Variants in MYBPH observed in about 807,000 individuals in gnomAD.
MYBPH encodes myosin binding protein H.
Under a neutral mutation model 53.6 loss-of-function variants are expected in MYBPH, and 49 were observed. The observed-to-expected ratio is 0.91, with a 90% confidence interval of 0.73 to 1.16. The LOEUF (loss-of-function observed/expected upper bound fraction) is 1.16, where lower values mean the gene tolerates loss of function less well. Ranked by LOEUF, MYBPH falls within the 50% of genes most tolerant of loss-of-function variation. MYBPH has a pLI of 0.00. For missense variants in MYBPH, 558 were observed against 624.1 expected, an observed-to-expected ratio of 0.89 and a Z score of 1.13; for synonymous variants, 239 against 249.6, an observed-to-expected ratio of 0.96 and a Z score of 0.40.
At position 203,171,128 on chromosome 1, in the gene MYBPH, G is replaced by T. The variant is rs1655685923; in HGVS notation, c.866C>A (p.Pro289Gln). The T allele has an allele frequency of 1.2e-6, 2 of 1,613,418 alleles. No homozygotes were observed. The highest frequency in any genetic ancestry group is 1.7e-5 in the Admixed American group (1 of 59,892). The change falls in exon 6 of 11, where the codon CCA becomes CAA. Residue 289 changes from proline (P) to glutamine (Q), a missense_variant. Transcript: ENST00000255416. The surrounding 1 kb of genome is among the most constrained non-coding windows in gnomAD (Gnocchi z 4.2). ...CTCTGTGTTGCCTGTGTCCTGGGGTGGCGTCCACTGAAGAGCAGCATTGCA... is the reference window on the plus strand; with the variant it reads ...CTCTGTGTTGCCTGTGTCCTGGGGTTGCGTCCACTGAAGAGCAGCATTGCA... ...WGCNAALQWT[P>Q]PQDTGNTELL... is the part of the protein sequence containing the mutation.
chr1:203,170,419 G>T lies in MYBPH; in HGVS notation c.965C>A (p.Pro322Gln). ...GAGGTCAGAGATGGTGCAGGTGGTTGGGTGGTAGCGCTCCAGCACTGTGAA... is the reference window on the plus strand; with the variant it reads ...GAGGTCAGAGATGGTGCAGGTGGTTTGGTGGTAGCGCTCCAGCACTGTGAA... ...QWFTVLERYHPTTCTISDLII... is the reference protein window; with the variant it reads ...QWFTVLERYHQTTCTISDLII... The change falls in exon 7 of 11, where the codon CCA becomes CAA. Residue 322 changes from proline (P) to glutamine (Q), a missense_variant. Pro to Gln is a moderately conservative substitution (Grantham distance 76). Coordinates refer to ENST00000255416, the MANE Select transcript of MYBPH (RefSeq NM_004997.3). 6.2e-7 allele frequency: 1 copy of T among 1,614,144 alleles called. No individual in the cohort carries two copies. The highest frequency in any genetic ancestry group is 1.1e-5 in the South Asian group (1 of 91,082).
At chr1:203,174,690 T>C in intron 2 of MYBPH, 93 bp from the exon 3 acceptor site, 1 of 1,305,976 alleles carries the variant, frequency 7.7e-7, no homozygotes, top group Non-Finnish European at 1.0e-6. Flanking sequence ...TCTGGGGAAA[T>C]CAGCCTCCCT....
rs1232482509 is a variant in MYBPH at position 203,175,724 on chromosome 1, G to A, written c.32C>T (p.Ala11Val). The stretch of plus-strand genomic sequence containing the variant: ...AGATGCGGTCTCCTCTGGACTGCAG[G>A]CAGGGCCCTCGGAGGTGTTTTTTTC... Reference protein sequence around the residue: MMEKNTSEGPACSPEETASES... With the variant: MMEKNTSEGPVCSPEETASES... The change falls in exon 1 of 11, where the codon GCC becomes GTC. Residue 11 changes from alanine to valine, a missense_variant. By Grantham distance (64) the Ala-to-Val change is moderately conservative. Coordinates refer to ENST00000255416, the MANE Select transcript of MYBPH (RefSeq NM_004997.3). 2 of 1,613,964 alleles carry A rather than the reference G, an allele frequency of 1.2e-6. No homozygotes were observed. The highest frequency in any genetic ancestry group is 1.7e-6 in the Non-Finnish European group (2 of 1,180,008).
Position 203,171,817 on chromosome 1 carries a change from A to T in MYBPH, c.597+135T>A. ...TGAGAATCACCAATGAGTCATGTGC[A>T]TGATTGCGGAAGGATGAAGCCGTCT... On this transcript the variant is annotated intron_variant, in intron 4 of 10. Transcript: ENST00000255416. The surrounding 1 kb of genome is among the most constrained non-coding windows in gnomAD (Gnocchi z 4.2). 1 of 713,576 alleles carries T rather than the reference A, an allele frequency of 1.4e-6. No individual in the cohort carries two copies. The highest frequency in any genetic ancestry group is 2.2e-6 in the Non-Finnish European group (1 of 461,294). 44.2% of individuals were successfully genotyped at this position (713,576 alleles called of 1,614,324 possible). A position where few individuals can be genotyped will look rare whatever the true frequency, so the allele number is the denominator to read the frequency against.
intron 6 of MYBPH, 97 bp downstream of exon 6, chr1:203,170,964 G>A (rs764803620): frequency 3.3e-4 from 489 of 1,468,174 alleles, no homozygotes; most frequent in Non-Finnish European, 4.0e-4. Context: ...ACCAGAACTC[G>A]ATCCCTAGAC....
chr1:203,169,245 C>A lies in MYBPH; in HGVS notation c.1230+8G>T. ...CAGCCCAGGGCACAACAGGGCCTGG[C>A]CCCTCACCTTGGGTGAAGCTCGGAC... is the stretch of plus-strand genomic sequence containing the variant. On this transcript the variant is annotated splice_region_variant and intron_variant, in intron 8 of 10. Coordinates refer to ENST00000255416, the MANE Select transcript of MYBPH (RefSeq NM_004997.3). The A allele has an allele frequency of 6.3e-7, 1 of 1,599,728 alleles. No individual in the cohort carries two copies. Among genetic ancestry groups the A allele is most frequent in the Non-Finnish European group, 8.5e-7 (1 of 1,172,926 alleles).
chr1:203,173,740 AC>A (rs963644129), intron 3 of MYBPH, among the ~76,000 whole-genome samples: 1 of 152,154 alleles, frequency 6.6e-6, no homozygotes, highest in African/African-American at 2.4e-5. Flanking sequence ...GTCTCTCCTC[AC>A]CCTGGGGGAC....
chr1:203,175,198 G>C (rs1655780956), intron 2 of MYBPH, 129 bp downstream of exon 2: 1 of 1,201,000 alleles, frequency 8.3e-7, no homozygotes, highest in Non-Finnish European at 1.1e-6. Context: ...GGGTTGAGGA[G>C]CCTACTGCTC....
chr1:203,170,279 GC>G lies in MYBPH; in HGVS notation c.1093+11del. On this transcript the variant is annotated intron_variant, in intron 7 of 10. Transcript: ENST00000255416. The stretch of plus-strand genomic sequence containing the variant: ...AGAGAGTTAGCACAGCCAGCTCCGG[GC>G]CCAAACCCACCTGCCTTCTGGATGT... 1 of 1,613,938 alleles carries G rather than the reference GC, an allele frequency of 6.2e-7. No homozygotes were observed. The highest frequency in any genetic ancestry group is 8.5e-7 in the Non-Finnish European group (1 of 1,179,926).
At chr1:203,176,276 A>G (rs895394397), upstream of MYBPH, among the ~76,000 whole-genome samples, 2 of 152,150 alleles carry the variant, frequency 1.3e-5, no homozygotes, top group Non-Finnish European at 2.9e-5. Flanking sequence ...TGGGGTCCAC[A>G]TTCCCTGGGC....
upstream of MYBPH, among the ~76,000 whole-genome samples, chr1:203,177,589 G>A (rs12748526): frequency 3.7e-3 from 564 of 152,276 alleles, 4 homozygotes; most frequent in South Asian, 0.011. Flanking sequence ...GTGACTCCAC[G>A]TCTTGCCAGG....
rs985539047 is a variant in MYBPH, at chr1:203,173,910, C to G, written c.508+520G>C. 3.9e-4 allele frequency among the ~76,000 whole-genome samples: 59 copies of G among 152,336 alleles called. 1 individual carries two copies. The highest frequency in any genetic ancestry group is 1.3e-3 in the African/African-American group (56 of 41,568). On this transcript the variant is annotated intron_variant, in intron 3 of 10. Coordinates refer to ENST00000255416, the MANE Select transcript of MYBPH (RefSeq NM_004997.3). ...TGGGGATGGCAGCTGGCCTGCGGGG[C>G]CCCAGTGAGGTATGCCCTCTGCAAT... is the stretch of plus-strand genomic sequence containing the variant.
chr1:203,178,739 T>C (rs576198989), upstream of MYBPH, among the ~76,000 whole-genome samples: 29 of 152,324 alleles, frequency 1.9e-4, no homozygotes, highest in South Asian at 4.8e-3. Flanking sequence ...TTGGGTTAAG[T>C]CCAAGGCAGG....
upstream of MYBPH, among the ~76,000 whole-genome samples, chr1:203,178,158 A>G (rs1294446444): frequency 6.6e-6 from 1 of 152,208 alleles, no homozygotes; most frequent in Non-Finnish European, 1.5e-5. Context: ...TGGGAATTCA[A>G]CAGAAGCCTG....
intron 2 of MYBPH, 108 bp from the exon 3 acceptor site, chr1:203,174,705 G>T: frequency 8.2e-7 from 1 of 1,222,652 alleles, no homozygotes; most frequent in Non-Finnish European, 1.1e-6. Context: ...CTCCCTCTCT[G>T]GGCCTCATTT....
At position 203,170,465 on chromosome 1, in the gene MYBPH, G is replaced by A; in HGVS notation, c.934-15C>T. ...GTGAACCATTGCTGCAGGGCCCCGG[G>A]TGTCACCCTCATTTCTCACCCCTGT... On this transcript the variant is annotated splice_polypyrimidine_tract_variant and intron_variant, in intron 6 of 10. Coordinates refer to ENST00000255416, the MANE Select transcript of MYBPH (RefSeq NM_004997.3). The A allele has an allele frequency of 1.2e-6, 2 of 1,612,412 alleles. No individual in the cohort carries two copies. The highest frequency in any genetic ancestry group is 1.7e-4 in the Middle Eastern group (1 of 6,050).
rs1272362327 is a variant in MYBPH, at chr1:203,168,664, G to A, written c.1429C>T (p.His477Tyr). 1 of 1,559,264 alleles carries A rather than the reference G, an allele frequency of 6.4e-7. No homozygotes were observed. The highest frequency in any genetic ancestry group is 1.2e-5 in the South Asian group (1 of 85,328). ...CRLEVKASAA[H>Y] ...CACAGCCTCCTCCCGTGACTTCAGT[G>A]TGCGGCTGAGGCTGGAAGAGATGCT... Residue 477 changes from histidine to tyrosine, a missense_variant, in exon 10 of 11, where the codon CAC becomes TAC. Transcript: ENST00000255416.
chr1:203,172,307 C>T (rs932373746), intron 3 of MYBPH, among the ~76,000 whole-genome samples: 5 of 152,134 alleles, frequency 3.3e-5, no homozygotes, highest in Non-Finnish European at 5.9e-5. Flanking sequence ...ACTCCCTTGG[C>T]GCCTCGACTC....
Position 203,171,220 on chromosome 1 carries a change from G to A in MYBPH, c.794-20C>T, listed in dbSNP as rs1438516492. 5 of 1,569,598 alleles carry A rather than the reference G, an allele frequency of 3.2e-6. No individual in the cohort carries two copies. Among genetic ancestry groups the A allele is most frequent in the African/African-American group, 1.4e-5 (1 of 73,350 alleles). On this transcript the variant is annotated intron_variant, in intron 5 of 10. Coordinates refer to ENST00000255416, the MANE Select transcript of MYBPH (RefSeq NM_004997.3). The surrounding 1 kb of genome is among the most constrained non-coding windows in gnomAD (Gnocchi z 4.2). ...GTTTCTCTGTAGGCCCAGAGTGTGA[G>A]AGGAAGTGAGTGTGAGGGCCAGGCT...
Sources: allele counts gnomAD v4.1 joint callset (sites outside exome capture counted in the v4.1 genomes callset), GRCh38; gene constraint gnomAD v4.1.1; non-coding constraint Gnocchi (gnomAD v3.1); transcripts MANE v1.5; gene names NCBI Gene and HGNC (gene_info 2026-07-23, HGNC 2026-07-21).